Variants in RBMS3 observed in about 807,000 individuals in gnomAD.
The protein encoded by RBMS3 is RNA binding motif single stranded interacting protein 3.
RBMS3 carries 27 observed loss-of-function variants against 66.8 expected under a neutral mutation model. That is an observed-to-expected ratio of 0.40 (90% CI 0.30 to 0.56). The LOEUF (loss-of-function observed/expected upper bound fraction) is 0.56. Ranked by LOEUF, RBMS3 falls within the 20% of genes least tolerant of loss-of-function variation. The pLI, the probability that RBMS3 is intolerant of heterozygous loss-of-function variation, is 0.40. For missense variants in RBMS3, 513 were observed against 549.5 expected (o/e 0.93, Z 0.66); for synonymous variants, 188 against 183.0 (o/e 1.03, Z -0.22).
intron 4 of RBMS3, among the ~76,000 whole-genome samples, chr3:29,606,671 T>G (rs62237669): frequency 0.15 from 22,168 of 151,778 alleles, 1,839 homozygotes; most frequent in East Asian, 0.32. Flanking sequence ...TAAGTGGACA[T>G]GGGAAAAAAA....
intron 12 of RBMS3, among the ~76,000 whole-genome samples, chr3:29,973,656 T>C (rs1023868448): frequency 6.6e-6 from 1 of 151,998 alleles, no homozygotes; most frequent in South Asian, 2.1e-4. Flanking sequence ...AACAACACTT[T>C]GGCCTCTCAA....
At chr3:29,691,924 G>A in intron 4 of RBMS3, among the ~76,000 whole-genome samples, 1 of 122,224 alleles carries the variant, frequency 8.2e-6, no homozygotes, top group Non-Finnish European at 1.7e-5. Flanking sequence ...TTATTTATGT[G>A]TGACCCTTCT....
chr3:29,640,714 T>TA lies in RBMS3; in HGVS notation c.399+53509_399+53510insA, dbSNP rs528930347. On this transcript the variant is annotated intron_variant, in intron 4 of 14. Transcript: ENST00000383767. ...CAATCATATAGTGGTCCTTGGCATT[T>TA]TTTCCTTGTTTTAAAGTAGCTTTTT... 3.8e-4 allele frequency among the ~76,000 whole-genome samples: 57 copies of TA among 151,972 alleles called. No homozygotes were observed. In the South Asian group the frequency reaches 0.011, roughly 29 times the overall value.
intron 3 of RBMS3, among the ~76,000 whole-genome samples, chr3:29,531,744 T>G (rs1000687624): frequency 3.3e-5 from 5 of 152,192 alleles, no homozygotes; most frequent in African/African-American, 1.2e-4. Context: ...TTCCTGGTAA[T>G]GACTATGATG....
intron 2 of RBMS3, among the ~76,000 whole-genome samples, chr3:29,446,941 T>C (rs540502560): frequency 8.5e-6 from 1 of 118,286 alleles, no homozygotes; most frequent in African/African-American, 3.2e-5. Flanking sequence ...GGAGACAGAG[T>C]ATCACTCTTG....
intron 6 of RBMS3, among the ~76,000 whole-genome samples, chr3:29,793,320 C>T (rs573912950): frequency 2.0e-5 from 3 of 151,848 alleles, no homozygotes; most frequent in South Asian, 4.2e-4. Flanking sequence ...AGAATGTTAG[C>T]TTCTGGGGAA....
intron 7 of RBMS3, among the ~76,000 whole-genome samples, chr3:29,873,460 GTTGT>G (rs1218391300): frequency 6.6e-6 from 1 of 152,168 alleles, no homozygotes; most frequent in Non-Finnish European, 1.5e-5. Context: ...CTCTGCTGAG[GTTGT>G]TTATCAGCTG....
At chr3:29,872,303 T>G (rs2059510065) in intron 7 of RBMS3, among the ~76,000 whole-genome samples, 1 of 152,158 alleles carries the variant, frequency 6.6e-6, no homozygotes, top group African/African-American at 2.4e-5. Context: ...AAGGCAATTT[T>G]TTGAGAAAAG....
At chr3:29,360,284 C>T (rs2037495126) in intron 1 of RBMS3, among the ~76,000 whole-genome samples, 1 of 151,972 alleles carries the variant, frequency 6.6e-6, no homozygotes, top group African/African-American at 2.4e-5. Flanking sequence ...ATCTTTATTT[C>T]TGCCTTCATT....
chr3:29,418,820 ATGT>A (rs1304226499), intron 1 of RBMS3, among the ~76,000 whole-genome samples: 2 of 152,154 alleles, frequency 1.3e-5, no homozygotes, highest in Non-Finnish European at 2.9e-5. Context: ...CAAAAGTCCT[ATGT>A]TGTTAGTCCT....
intron 4 of RBMS3, among the ~76,000 whole-genome samples, chr3:29,641,395 T>C (rs1457293698): frequency 6.6e-6 from 1 of 152,036 alleles, no homozygotes; most frequent in Non-Finnish European, 1.5e-5. Flanking sequence ...TATAAGTAAA[T>C]ATCTCTACAT....
intron 8 of RBMS3, among the ~76,000 whole-genome samples, chr3:29,888,481 C>G (rs1050466794): frequency 6.6e-6 from 1 of 151,646 alleles, no homozygotes; most frequent in Non-Finnish European, 1.5e-5. Flanking sequence ...CCCACTTTTA[C>G]TAATCTTACT....
At chr3:29,967,003 T>A (rs1696894099) in intron 12 of RBMS3, among the ~76,000 whole-genome samples, 1 of 152,212 alleles carries the variant, frequency 6.6e-6, no homozygotes, top group Non-Finnish European at 1.5e-5. Flanking sequence ...TATTGACTTG[T>A]GTATGTTAAA....
At chr3:29,978,918 G>A (rs1697779937) in intron 12 of RBMS3, among the ~76,000 whole-genome samples, 1 of 152,034 alleles carries the variant, frequency 6.6e-6, no homozygotes, top group African/African-American at 2.4e-5. Context: ...GAGGATACTT[G>A]AGGCCAGAAG....
At chr3:29,633,351 T>TA (rs978621252) in intron 4 of RBMS3, among the ~76,000 whole-genome samples, 1 of 151,944 alleles carries the variant, frequency 6.6e-6, no homozygotes, top group African/African-American at 2.4e-5. Context: ...CTATGCATTT[T>TA]AAAATTAAGA....
chr3:29,831,030 T>C (rs936493061), intron 6 of RBMS3, among the ~76,000 whole-genome samples: 2 of 152,192 alleles, frequency 1.3e-5, no homozygotes, highest in African/African-American at 4.8e-5. Context: ...TACCAATAAA[T>C]GTTTAAGTAT....
chr3:29,365,581 A>G (rs1224818822), intron 1 of RBMS3, among the ~76,000 whole-genome samples: 1 of 152,130 alleles, frequency 6.6e-6, no homozygotes, highest in Non-Finnish European at 1.5e-5. Flanking sequence ...CTTTGCGTTA[A>G]GTCTCTTTGT....
At chr3:29,329,926 T>TA (rs2035559857) in intron 1 of RBMS3, among the ~76,000 whole-genome samples, 1 of 148,272 alleles carries the variant, frequency 6.7e-6, no homozygotes, top group African/African-American at 2.4e-5. Flanking sequence ...ATAGAATTAA[T>TA]ATATATATTA....
At chr3:29,483,598 A>C (rs760337348) in intron 2 of RBMS3, among the ~76,000 whole-genome samples, 23 of 152,302 alleles carry the variant, frequency 1.5e-4, no homozygotes, top group Non-Finnish European at 2.9e-4. Flanking sequence ...AGAACCACTT[A>C]CTTTGAGTAT....
Sources: gnomAD v4.1 joint callset for allele counts (sites outside exome capture counted in the v4.1 genomes callset) on GRCh38, gnomAD v4.1.1 for gene constraint, MANE v1.5 for transcripts, NCBI Gene and HGNC (gene_info 2026-07-23, HGNC 2026-07-21) for gene names.